The following NUBPL variants were observed in gnomAD, a reference collection of about 807,000 sequenced individuals.
The protein encoded by NUBPL is NUBP iron-sulfur cluster assembly factor, mitochondrial, also known as iron-sulfur cluster transfer protein NUBPL.
A neutral mutation model predicts 45.7 loss-of-function variants in NUBPL; 31 were observed. That is an observed-to-expected ratio of 0.68 (90% CI 0.51 to 0.92). The LOEUF (loss-of-function observed/expected upper bound fraction) is 0.92, where lower values mean the gene tolerates loss of function less well. Ranked by LOEUF, NUBPL falls within the 40% of genes least tolerant of loss-of-function variation. The pLI, the probability that NUBPL is intolerant of heterozygous loss-of-function variation, is 0.00. For synonymous variants in NUBPL, 144 were observed against 140.9 expected (o/e 1.02, Z -0.15); for missense variants, 401 against 398.7 (o/e 1.01, Z -0.05).
intron 4 of NUBPL, among the ~76,000 whole-genome samples, chr14:31,602,777 A>G (rs2034479372): frequency 1.3e-5 from 2 of 152,168 alleles, no homozygotes; most frequent in African/African-American, 4.8e-5. Flanking sequence ...ATATGGGATT[A>G]TTTGAATAGG....
At chr14:31,562,635 G>C (rs1422945446) in intron 2 of NUBPL, among the ~76,000 whole-genome samples, 4 of 121,294 alleles carry the variant, frequency 3.3e-5, no homozygotes, top group African/African-American at 1.3e-4. Context: ...ACGGAATCTC[G>C]CTCTGTCACC....
At chr14:31,564,643 C>T (rs966042478) in intron 2 of NUBPL, among the ~76,000 whole-genome samples, 2 of 151,180 alleles carry the variant, frequency 1.3e-5, no homozygotes, top group Admixed American at 6.6e-5. Flanking sequence ...AATAAAAAGA[C>T]AATTTTTCTA....
chr14:31,856,063 G>A (rs1218233377), intron 10 of NUBPL, among the ~76,000 whole-genome samples: 1 of 152,090 alleles, frequency 6.6e-6, no homozygotes, highest in East Asian at 1.9e-4. Flanking sequence ...TTTTCACACT[G>A]CTGATAAAGA....
intron 3 of NUBPL, among the ~76,000 whole-genome samples, chr14:31,568,754 A>C (rs1486085854): frequency 6.6e-6 from 1 of 152,224 alleles, no homozygotes; most frequent in African/African-American, 2.4e-5. Flanking sequence ...TAATAAAAGC[A>C]AGATATTTCA....
At chr14:31,610,079 G>A (rs2034710141) in intron 4 of NUBPL, among the ~76,000 whole-genome samples, 1 of 151,368 alleles carries the variant, frequency 6.6e-6, no homozygotes, top group Non-Finnish European at 1.5e-5. Context: ...CAGAGAAGAA[G>A]TAAATGAAAT....
chr14:31,600,495 G>A (rs1364480360), intron 4 of NUBPL, among the ~76,000 whole-genome samples: 1 of 152,168 alleles, frequency 6.6e-6, no homozygotes, highest in South Asian at 2.1e-4. Flanking sequence ...CAGACCTGGG[G>A]AGAACATGCA....
intron 6 of NUBPL, among the ~76,000 whole-genome samples, chr14:31,782,333 T>G (rs993276777): frequency 2.6e-5 from 4 of 152,128 alleles, no homozygotes; most frequent in African/African-American, 9.7e-5. Context: ...AGGCGGAGGT[T>G]GCAGTGAGCT....
intron 6 of NUBPL, among the ~76,000 whole-genome samples, chr14:31,781,823 C>T (rs888738496): frequency 1.7e-4 from 26 of 152,084 alleles, no homozygotes; most frequent in African/African-American, 6.3e-4. Flanking sequence ...GACTTTCTAC[C>T]TTTCCCTATA....
At chr14:31,595,948 C>G (rs2034271110) in intron 3 of NUBPL, among the ~76,000 whole-genome samples, 1 of 150,618 alleles carries the variant, frequency 6.6e-6, no homozygotes, top group Middle Eastern at 3.4e-3. Context: ...ACTCTGTTGC[C>G]CAGGCTGGAG....
chr14:31,832,264 G>A (rs2040204771), intron 8 of NUBPL, among the ~76,000 whole-genome samples: 1 of 152,162 alleles, frequency 6.6e-6, no homozygotes, highest in Admixed American at 6.5e-5. Flanking sequence ...TAGGCAGTAA[G>A]GGGCTTAATT....
intron 8 of NUBPL, among the ~76,000 whole-genome samples, chr14:31,831,804 T>G (rs1310315040): frequency 6.6e-6 from 1 of 152,184 alleles, no homozygotes; most frequent in Non-Finnish European, 1.5e-5. Flanking sequence ...TTCTTAAGAT[T>G]ATAAGAGGAG....
At chr14:31,600,067 G>T (rs1283869721) in intron 4 of NUBPL, among the ~76,000 whole-genome samples, 1 of 151,598 alleles carries the variant, frequency 6.6e-6, no homozygotes, top group Non-Finnish European at 1.5e-5. Flanking sequence ...GACTACAGGT[G>T]CACGCCACCA....
At chr14:31,614,774 T>A (rs1017834621) in intron 4 of NUBPL, among the ~76,000 whole-genome samples, 5 of 152,220 alleles carry the variant, frequency 3.3e-5, no homozygotes, top group Admixed American at 1.3e-4. Flanking sequence ...AGATTTGGTC[T>A]TTCTCTGTGA....
intron 4 of NUBPL, among the ~76,000 whole-genome samples, chr14:31,629,701 A>G (rs1595392942): frequency 6.6e-6 from 1 of 152,222 alleles, no homozygotes; most frequent in African/African-American, 2.4e-5. Flanking sequence ...GAGTGGCTCC[A>G]TGAAGATCAT....
In NUBPL at chr14:31,846,456, G is replaced by C. The variant is rs746608378; in HGVS notation, c.694-15G>C. The C allele has an allele frequency of 1.9e-6, 3 of 1,602,764 alleles. No individual in the cohort carries two copies. The African/African-American group carries it at 4.0e-5, about 21-fold the overall frequency. On this transcript the variant is annotated splice_polypyrimidine_tract_variant and intron_variant, in intron 8 of 10. Coordinates refer to ENST00000281081, the MANE Select transcript of NUBPL (RefSeq NM_025152.3). ...GGTTTAATTTTATTTTGATTTCAGT[G>C]TGTTTTTATTCTAGGTCCTTGGCCT...
intron 6 of NUBPL, among the ~76,000 whole-genome samples, chr14:31,735,242 G>A (rs2038140070): frequency 6.6e-6 from 1 of 150,954 alleles, no homozygotes. Context: ...AGATTTCTAT[G>A]TAATTTGTAT....
In NUBPL at chr14:31,562,128, C is replaced by G. The variant is rs573367806; in HGVS notation, c.169C>G (p.Leu57Val). The G allele has an allele frequency of 6.2e-7, 1 of 1,613,760 alleles. No individual in the cohort carries two copies. Among genetic ancestry groups the G allele is most frequent in the East Asian group, 2.2e-5 (1 of 44,866 alleles). Residue 57 changes from leucine (L) to valine (V), a missense_variant, in exon 2 of 11, where the codon CTT becomes GTT. By Grantham distance (32) the Leu-to-Val change is conservative. Coordinates refer to ENST00000281081, the MANE Select transcript of NUBPL (RefSeq NM_025152.3). ...AAGAACACAAATCATGTCCCGAGGA[C>G]TTCCAAAGCAGAAACCGATAGAAGG... is the stretch of plus-strand genomic sequence containing the variant. ...QRRTQIMSRG[L>V]PKQKPIEGVK...
intron 6 of NUBPL, among the ~76,000 whole-genome samples, chr14:31,717,441 T>C (rs1173320068): frequency 6.6e-6 from 1 of 152,200 alleles, no homozygotes; most frequent in Non-Finnish European, 1.5e-5. Context: ...ACATGCTGCT[T>C]CCTGTGCCTT....
intron 6 of NUBPL, among the ~76,000 whole-genome samples, chr14:31,732,831 C>T (rs1409258406): frequency 2.6e-5 from 4 of 151,940 alleles, no homozygotes; most frequent in African/African-American, 7.2e-5. Flanking sequence ...AGGCTGGTCT[C>T]GAACTCCTGA....
Sources: gnomAD v4.1 joint callset for allele counts (sites outside exome capture counted in the v4.1 genomes callset) on GRCh38, gnomAD v4.1.1 for gene constraint, MANE v1.5 for transcripts, NCBI Gene and HGNC (gene_info 2026-07-23, HGNC 2026-07-21) for gene names.